The following CNBD1 variants were observed in gnomAD, a reference collection of about 807,000 sequenced individuals.
CNBD1 encodes cyclic nucleotide binding domain containing 1.
A neutral mutation model predicts 54.4 loss-of-function variants in CNBD1; 71 were observed. The observed-to-expected ratio is 1.30, with a 90% CI of 1.08 to 1.59. The LOEUF is 1.59. CNBD1 is among the 40% of genes most tolerant of loss of function. The pLI, the probability that CNBD1 is intolerant of heterozygous loss-of-function variation, is 0.00. For synonymous variants in CNBD1, 182 were observed against 170.7 expected (o/e 1.07, Z -0.51); for missense variants, 659 against 518.0 (o/e 1.27, Z -2.64).
intron 8 of CNBD1, among the ~76,000 whole-genome samples, chr8:87,323,144 G>A (rs1373460733): frequency 8.0e-5 from 10 of 125,274 alleles, no homozygotes; most frequent in African/African-American, 3.0e-4. Context: ...TGAGGGCTCT[G>A]TTCTATTCCA....
At chr8:87,111,787 C>G (rs188676876) in intron 4 of CNBD1, among the ~76,000 whole-genome samples, 3 of 152,186 alleles carry the variant, frequency 2.0e-5, no homozygotes, top group African/African-American at 7.2e-5. Context: ...AGGACACCCC[C>G]CTCCCGCCCC....
intron 2 of CNBD1, among the ~76,000 whole-genome samples, chr8:86,894,122 C>T (rs1425670708): frequency 3.4e-5 from 4 of 116,572 alleles, no homozygotes; most frequent in African/African-American, 6.4e-5. Context: ...ACTGCAGTGG[C>T]GCAATCTCGG....
intron 4 of CNBD1, among the ~76,000 whole-genome samples, chr8:87,063,925 G>A (rs976458851): frequency 6.6e-6 from 1 of 151,828 alleles, no homozygotes; most frequent in Non-Finnish European, 1.5e-5. Context: ...TTATAGAAAT[G>A]CAATTGATTT....
chr8:87,033,290 G>A (rs978846497), intron 4 of CNBD1, among the ~76,000 whole-genome samples: 29 of 152,182 alleles, frequency 1.9e-4, no homozygotes, highest in Admixed American at 1.1e-3. Flanking sequence ...GAGACATTGT[G>A]TTTGGGGGCA....
intron 4 of CNBD1, among the ~76,000 whole-genome samples, chr8:87,052,768 C>A (rs1424079814): frequency 6.6e-6 from 1 of 152,198 alleles, no homozygotes; most frequent in African/African-American, 2.4e-5. Context: ...ATTAGAAGAA[C>A]ATAACATCTC....
At chr8:87,064,387 A>T (rs1373879455) in intron 4 of CNBD1, among the ~76,000 whole-genome samples, 4 of 151,872 alleles carry the variant, frequency 2.6e-5, no homozygotes, top group African/African-American at 7.2e-5. Flanking sequence ...TTTCTGTAGA[A>T]TTCTTCTCAA....
chr8:87,308,115 C>T (rs1809194927), intron 8 of CNBD1, among the ~76,000 whole-genome samples: 1 of 152,080 alleles, frequency 6.6e-6, no homozygotes, highest in African/African-American at 2.4e-5. Flanking sequence ...GTCCCTTTTC[C>T]TGATTGTTCT....
chr8:86,925,134 T>G (rs1205237988), intron 3 of CNBD1, among the ~76,000 whole-genome samples: 1 of 152,208 alleles, frequency 6.6e-6, no homozygotes, highest in Non-Finnish European at 1.5e-5. Context: ...CTTGGACTCC[T>G]CAATTTTAAC....
At chr8:87,231,997 A>G (rs2130821555) in intron 5 of CNBD1, among the ~76,000 whole-genome samples, 1 of 152,272 alleles carries the variant, frequency 6.6e-6, no homozygotes, top group Admixed American at 6.5e-5. Flanking sequence ...ATTCACATGA[A>G]TCATTTAAAA....
intron 2 of CNBD1, among the ~76,000 whole-genome samples, chr8:87,389,423 G>A (rs1165807876): frequency 5.3e-5 from 8 of 152,134 alleles, no homozygotes; most frequent in Non-Finnish European, 8.8e-5. Flanking sequence ...TAAAATCAAT[G>A]TGCAAAAATC....
intron 5 of CNBD1, among the ~76,000 whole-genome samples, chr8:87,228,368 G>A (rs1473510605): frequency 1.3e-5 from 2 of 149,316 alleles, no homozygotes; most frequent in African/African-American, 5.1e-5. Flanking sequence ...CCATCTTTGT[G>A]GTTTTATCTA....
intron 5 of CNBD1, among the ~76,000 whole-genome samples, chr8:87,209,104 A>G (rs923313246): frequency 6.6e-6 from 1 of 152,110 alleles, no homozygotes; most frequent in African/African-American, 2.4e-5. Flanking sequence ...GAGATTTAGT[A>G]TAAATCCAGT....
chr8:87,427,831 G>C (rs1276436906), intron 2 of CNBD1, among the ~76,000 whole-genome samples: 3 of 152,052 alleles, frequency 2.0e-5, no homozygotes, highest in Non-Finnish European at 4.4e-5. Context: ...ATGCATTCAA[G>C]ATGCTGCTGC....
chr8:87,228,540 A>G (rs1433805936), intron 5 of CNBD1, among the ~76,000 whole-genome samples: 1 of 150,198 alleles, frequency 6.7e-6, no homozygotes, highest in Non-Finnish European at 1.5e-5. Flanking sequence ...GGTGCCTCCC[A>G]GTTAGGCTGC....
chr8:87,011,637 T>C (rs1809225105), intron 4 of CNBD1, among the ~76,000 whole-genome samples: 1 of 152,186 alleles, frequency 6.6e-6, no homozygotes, highest in South Asian at 2.1e-4. Flanking sequence ...AATCTTTATT[T>C]TATTCTCATT....
At chr8:87,336,042 G>A (rs1165736610) in intron 8 of CNBD1, among the ~76,000 whole-genome samples, 2 of 152,144 alleles carry the variant, frequency 1.3e-5, no homozygotes, top group East Asian at 3.9e-4. Context: ...CTTCTGGCTT[G>A]TAGGTTTTCT....
At chr8:87,323,758 T>C (rs1377632054) in intron 8 of CNBD1, among the ~76,000 whole-genome samples, 1 of 125,308 alleles carries the variant, frequency 8.0e-6, no homozygotes, top group African/African-American at 2.9e-5. Flanking sequence ...ACAGGGACAA[T>C]TTGACTTCCT....
intron 4 of CNBD1, among the ~76,000 whole-genome samples, chr8:87,060,592 T>A (rs1269323834): frequency 2.0e-5 from 3 of 152,188 alleles, no homozygotes; most frequent in Non-Finnish European, 4.4e-5. Flanking sequence ...CCCATTGTAT[T>A]GTGAAAGTTC....
intron 8 of CNBD1, among the ~76,000 whole-genome samples, chr8:87,320,618 G>GT (rs996487812): frequency 3.2e-5 from 4 of 123,652 alleles, no homozygotes; most frequent in South Asian, 2.5e-4. Flanking sequence ...ACGTGTGTGT[G>GT]TGGGGGGGCG....
Sources: gnomAD v4.1 joint callset for allele counts (sites outside exome capture counted in the v4.1 genomes callset) on GRCh38, gnomAD v4.1.1 for gene constraint, MANE v1.5 for transcripts, NCBI Gene and HGNC (gene_info 2026-07-23, HGNC 2026-07-21) for gene names.